TNFRSF19: variants seen among roughly 807,000 people sequenced by gnomAD.
TNFRSF19 encodes the protein TNF receptor superfamily member 19.
In TNFRSF19, 27 loss-of-function variants were observed where a neutral mutation model predicts 46.4. The ratio of observed to expected loss-of-function variants is 0.58; its 90% CI spans 0.43 to 0.80. The LOEUF (loss-of-function observed/expected upper bound fraction) is 0.80, where lower values mean the gene tolerates loss of function less well. Among genes scored for constraint, TNFRSF19 ranks in the 30% least tolerant of loss-of-function variants. The probability of loss-of-function intolerance (pLI) is 0.00; values close to 1 mark genes in which losing one functional copy is unlikely to be tolerated. For missense variants in TNFRSF19, 511 were observed against 530.8 expected (o/e 0.96, Z 0.37); for synonymous variants, 204 against 205.0 (o/e 1.00, Z 0.04).
Position 23,618,070 on chromosome 13 carries a change from C to T in TNFRSF19, c.359+2025C>T, listed in dbSNP as rs374046392. ...CGTGGTCATATACAGAGACCCAGCACCTAGGGAGCTGTAAGATGTAGTGGG... is the reference window on the plus strand; with the variant it reads ...CGTGGTCATATACAGAGACCCAGCATCTAGGGAGCTGTAAGATGTAGTGGG... On this transcript the variant is annotated intron_variant, in intron 4 of 9. Transcript: ENST00000248484. 1.7e-4 allele frequency among the ~76,000 whole-genome samples: 26 copies of T among 152,182 alleles called. No homozygotes were observed. The South Asian group carries it at 5.4e-3, about 32-fold the overall frequency.
chr13:23,628,296 T>C (rs1882135553), intron 5 of TNFRSF19, among the ~76,000 whole-genome samples: 1 of 152,244 alleles, frequency 6.6e-6, no homozygotes, highest in Non-Finnish European at 1.5e-5. Context: ...TTTGCTTTAA[T>C]ATTAATCACT....
At chr13:23,637,793 C>T (rs1357048520) in intron 5 of TNFRSF19, among the ~76,000 whole-genome samples, 2 of 152,254 alleles carry the variant, frequency 1.3e-5, no homozygotes, top group Admixed American at 1.3e-4. Flanking sequence ...GGAAGGCAGC[C>T]TCACAGGATC....
intron 7 of TNFRSF19, 36 bp downstream of exon 7, chr13:23,660,526 G>A (rs1286382437): frequency 2.5e-6 from 4 of 1,601,204 alleles, no homozygotes; most frequent in South Asian, 1.1e-5. Flanking sequence ...AGGAGGACTG[G>A]AGGTACACAG....
At chr13:23,628,998 A>G (rs1056491942) in intron 5 of TNFRSF19, among the ~76,000 whole-genome samples, 2 of 152,088 alleles carry the variant, frequency 1.3e-5, no homozygotes, top group Non-Finnish European at 2.9e-5. Context: ...GTAATTCCAG[A>G]ACACAGCTAA....
chr13:23,642,468 T>C (rs1429934826), intron 5 of TNFRSF19, among the ~76,000 whole-genome samples: 1 of 152,244 alleles, frequency 6.6e-6, no homozygotes, highest in Non-Finnish European at 1.5e-5. Context: ...TACATATTGT[T>C]ATTTCTTGGT....
chr13:23,639,799 T>C (rs2138333440), intron 5 of TNFRSF19, among the ~76,000 whole-genome samples: 2 of 152,284 alleles, frequency 1.3e-5, no homozygotes, highest in South Asian at 4.1e-4. Flanking sequence ...GCCCAGAGGA[T>C]TTGGAAAGAC....
rs1044337062 is a variant in TNFRSF19 at position 23,610,611 on chromosome 13, G to A, written c.181-5256G>A. Among the ~76,000 whole-genome samples the A allele has an allele frequency of 2.0e-5, 3 of 152,078 alleles. No individual in the cohort carries two copies. In the East Asian group the frequency reaches 5.8e-4, roughly 29 times the overall value. On this transcript the variant is annotated intron_variant, in intron 3 of 9. Coordinates refer to ENST00000248484, the MANE Select transcript of TNFRSF19 (RefSeq NM_148957.4). The stretch of plus-strand genomic sequence containing the variant: ...GCCGTTACAAGCTATTGCTCCCTAG[G>A]ATTTTTTTAAAGTATTTAGGAAATA...
rs560217422 is a variant in TNFRSF19, at chr13:23,647,528, G to A, written c.446-11522G>A. ...AATGATCCTCCTGTCTCAGCCTCCC[G>A]AGTAGCTGGGACTACAGGTGACACC... On this transcript the variant is annotated intron_variant, in intron 5 of 9. Transcript: ENST00000248484. Among the ~76,000 whole-genome samples the A allele has an allele frequency of 9.9e-5, 15 of 152,100 alleles. 1 individual carries two copies. Among genetic ancestry groups the A allele is most frequent in the African/African-American group, 2.4e-4 (10 of 41,518 alleles).
At chr13:23,602,550 C>A (rs1880234213) in intron 3 of TNFRSF19, among the ~76,000 whole-genome samples, 1 of 152,002 alleles carries the variant, frequency 6.6e-6, no homozygotes, top group Admixed American at 6.6e-5. Context: ...TCAGCAACAG[C>A]AAAAGACACA....
At chr13:23,611,280 G>T (rs1206858941) in intron 3 of TNFRSF19, among the ~76,000 whole-genome samples, 1 of 152,236 alleles carries the variant, frequency 6.6e-6, no homozygotes, top group East Asian at 1.9e-4. Flanking sequence ...TGAAAGCTCA[G>T]TGTAGAACTG....
At chr13:23,602,075 A>G (rs1458629765) in intron 3 of TNFRSF19, among the ~76,000 whole-genome samples, 2 of 152,162 alleles carry the variant, frequency 1.3e-5, no homozygotes, top group African/African-American at 4.8e-5. Flanking sequence ...ATTTATAAAC[A>G]TTATCAGAGC....
intron 5 of TNFRSF19, among the ~76,000 whole-genome samples, chr13:23,636,911 G>A (rs1335339523): frequency 6.6e-6 from 1 of 152,152 alleles, no homozygotes; most frequent in African/African-American, 2.4e-5. Flanking sequence ...TTTCTCAAGA[G>A]TTGGTTATTA....
At chr13:23,662,564 G>C in intron 7 of TNFRSF19, among the ~76,000 whole-genome samples, 1 of 152,152 alleles carries the variant, frequency 6.6e-6, no homozygotes, top group Non-Finnish European at 1.5e-5. Context: ...GTTCTGTGAA[G>C]AATGTCTTTG....
intron 3 of TNFRSF19, among the ~76,000 whole-genome samples, chr13:23,605,764 A>G (rs1005516109): frequency 1.3e-5 from 2 of 152,194 alleles, no homozygotes; most frequent in Non-Finnish European, 2.9e-5. Flanking sequence ...AGGCAAAACT[A>G]TGGAAACAGT....
intron 1 of TNFRSF19, among the ~76,000 whole-genome samples, chr13:23,573,194 C>T (rs1030882507): frequency 6.6e-5 from 10 of 152,168 alleles, no homozygotes; most frequent in Admixed American, 3.9e-4. Context: ...CCAACAACTG[C>T]TTAAACAAAT....
intron 4 of TNFRSF19, among the ~76,000 whole-genome samples, chr13:23,617,267 A>G (rs1881365802): frequency 6.6e-6 from 1 of 152,104 alleles, no homozygotes; most frequent in Non-Finnish European, 1.5e-5. Context: ...GAGCAGAGGA[A>G]GGGGTGGGCA....
intron 3 of TNFRSF19, among the ~76,000 whole-genome samples, chr13:23,603,826 A>G (rs1199427922): frequency 6.6e-6 from 1 of 151,996 alleles, no homozygotes; most frequent in African/African-American, 2.4e-5. Flanking sequence ...ATGGAAAGGA[A>G]TTTCCTCTAC....
chr13:23,643,725 G>A (rs1024744872), intron 5 of TNFRSF19, among the ~76,000 whole-genome samples: 3 of 152,326 alleles, frequency 2.0e-5, no homozygotes, highest in South Asian at 4.1e-4. Context: ...GAGAAGGTGC[G>A]AAGATCCTCC....
At chr13:23,642,033 A>G (rs189138283) in intron 5 of TNFRSF19, among the ~76,000 whole-genome samples, 82 of 152,356 alleles carry the variant, frequency 5.4e-4, no homozygotes, top group Admixed American at 1.4e-3. Flanking sequence ...CAAAATTGCA[A>G]TGGTTTCACG....
Sources: allele counts gnomAD v4.1 joint callset (sites outside exome capture counted in the v4.1 genomes callset), GRCh38; gene constraint gnomAD v4.1.1; transcripts MANE v1.5; gene names NCBI Gene and HGNC (gene_info 2026-07-23, HGNC 2026-07-21).